Variants in WT1 observed in about 807,000 individuals in gnomAD.
WT1 encodes the protein Wilms tumor protein.
Under a neutral mutation model 60.8 loss-of-function variants are expected in WT1, and 8 were observed. That is an observed-to-expected ratio of 0.13 (90% CI 0.08 to 0.24). WT1 has a LOEUF of 0.24. Ranked by LOEUF, WT1 falls within the 10% of genes least tolerant of loss-of-function variation. The pLI is 1.00. For missense variants in WT1, 568 were observed against 711.8 expected, an observed-to-expected ratio of 0.80 and a Z score of 2.30; for synonymous variants, 312 against 297.1, an observed-to-expected ratio of 1.05 and a Z score of -0.52.
At chr11:32,428,890 C>T (rs892519828) in intron 1 of WT1, 2 of 523,450 alleles carry the variant, frequency 3.8e-6, no homozygotes, top group African/African-American at 1.9e-5. Flanking sequence ...CAGTCTTCTA[C>T]GGTCTCTGCC....
At chr11:32,428,123 G>A in intron 2 of WT1, 65 bp from the exon 3 acceptor site, 2 of 1,429,664 alleles carry the variant, frequency 1.4e-6, no homozygotes, top group Admixed American at 2.2e-5. Context: ...GAGGCTGCGG[G>A]CAGGGGTTGG....
intron 1 of WT1, among the ~76,000 whole-genome samples, chr11:32,431,562 G>T (rs1853312268): frequency 6.6e-6 from 1 of 151,098 alleles, no homozygotes; most frequent in Admixed American, 6.6e-5. Flanking sequence ...TCAGCCTCCC[G>T]AGTAGCTGGG....
intron 5 of WT1, among the ~76,000 whole-genome samples, chr11:32,406,900 A>T (rs563897913): frequency 6.6e-6 from 1 of 152,106 alleles, no homozygotes; most frequent in African/African-American, 2.4e-5. Context: ...GGAGTTCGAG[A>T]CCAGCCTGGC....
At chr11:32,409,646 A>G (rs1852432405) in intron 5 of WT1, among the ~76,000 whole-genome samples, 1 of 152,034 alleles carries the variant, frequency 6.6e-6, no homozygotes, top group Admixed American at 6.5e-5. Flanking sequence ...TTTGTTTTCT[A>G]TAGAGATGAG....
chr11:32,430,652 C>A, intron 1 of WT1: 1 of 1,493,684 alleles, frequency 6.7e-7, no homozygotes, highest in South Asian at 1.3e-5. Context: ...GGCACCCACT[C>A]TCGAGACGTC....
At chr11:32,395,948 C>T (rs1851957121) in intron 7 of WT1, among the ~76,000 whole-genome samples, 1 of 152,224 alleles carries the variant, frequency 6.6e-6, no homozygotes, top group African/African-American at 2.4e-5. Context: ...CAGCTCCTCT[C>T]TCCTTAGAAA....
intron 5 of WT1, among the ~76,000 whole-genome samples, chr11:32,412,540 A>G (rs964989108): frequency 5.3e-5 from 8 of 152,182 alleles, no homozygotes; most frequent in African/African-American, 1.9e-4. Context: ...GACAAAACAG[A>G]GGCCAACAGG....
At chr11:32,391,909 A>G in intron 9 of WT1, 63 bp downstream of exon 9, 2 of 1,541,206 alleles carry the variant, frequency 1.3e-6, no homozygotes, top group South Asian at 2.2e-5. Flanking sequence ...CTCTCATCAC[A>G]ATTTCATTCC....
intron 1 of WT1, among the ~76,000 whole-genome samples, chr11:32,431,983 G>T (rs1645982055): frequency 6.6e-6 from 1 of 152,150 alleles, no homozygotes; most frequent in African/African-American, 2.4e-5. Flanking sequence ...AAAACAAGGG[G>T]CCTCTCCAGG....
chr11:32,423,125 G>A (rs1028400283), intron 3 of WT1, among the ~76,000 whole-genome samples: 4 of 152,240 alleles, frequency 2.6e-5, no homozygotes, highest in South Asian at 2.1e-4. Context: ...AATTAGGGGG[G>A]AAATTGTGCC....
At chr11:32,407,260 C>T (rs1483794896) in intron 5 of WT1, among the ~76,000 whole-genome samples, 2 of 150,536 alleles carry the variant, frequency 1.3e-5, no homozygotes, top group Non-Finnish European at 3.0e-5. Context: ...AACAAAAAAA[C>T]AAAAAACAAA....
chr11:32,402,738 A>G (rs1420285692), intron 5 of WT1, among the ~76,000 whole-genome samples: 1 of 152,160 alleles, frequency 6.6e-6, no homozygotes, highest in East Asian at 1.9e-4. Context: ...TTGTAGAAAC[A>G]GGGTCTTGCT....
In WT1 at chr11:32,389,186, A is replaced by G. The variant is rs1392191365; in HGVS notation, c.1448-7T>C. ...CAGCTGAAGGGCTTTTCACCTGTTG[A>G]CACAATTGCCAGTCAGAGACACTTG... On this transcript the variant is annotated splice_region_variant and splice_polypyrimidine_tract_variant and intron_variant, in intron 9 of 9. Transcript: ENST00000452863. The G allele has an allele frequency of 1.2e-6, 2 of 1,613,890 alleles. No individual in the cohort carries two copies. The highest frequency in any genetic ancestry group is 2.7e-5 in the African/African-American group (2 of 74,888).
chr11:32,392,089 C>T, intron 8 of WT1, 25 bp from the exon 9 acceptor site: 1 of 1,610,588 alleles, frequency 6.2e-7, no homozygotes, highest in Non-Finnish European at 8.5e-7. Context: ...AAGGTCTAGC[C>T]TCGGCCCTAA....
intron 4 of WT1, chr11:32,417,295 G>A: frequency 2.3e-6 from 1 of 441,096 alleles, no homozygotes; most frequent in Non-Finnish European, 4.1e-6. Flanking sequence ...TATTAAATGA[G>A]GTTGAATAGC....
chr11:32,415,521 G>A (rs1208098447), intron 5 of WT1, among the ~76,000 whole-genome samples: 1 of 152,252 alleles, frequency 6.6e-6, no homozygotes, highest in Non-Finnish European at 1.5e-5. Context: ...GGTGGCACAT[G>A]CCTGTAATCC....
intron 3 of WT1, among the ~76,000 whole-genome samples, chr11:32,427,013 C>A (rs904989506): frequency 6.6e-6 from 1 of 152,164 alleles, no homozygotes; most frequent in Non-Finnish European, 1.5e-5. Context: ...CGGGTCCCCG[C>A]GCGGAGGGGA....
In WT1 at chr11:32,396,480, T is replaced by C. The variant is rs115936822; in HGVS notation, c.1114-73A>G. ...CATTCACGTAGGTCTTGAGGGAGAG[T>C]GAGCACTGGAGTATATCCAAAGAAG... On this transcript the variant is annotated intron_variant, in intron 6 of 9. Transcript: ENST00000452863. 1,965 of 1,593,708 alleles carry C rather than the reference T, an allele frequency of 1.2e-3. 4 individuals carry two copies. The highest frequency in any genetic ancestry group is 1.6e-3 in the Non-Finnish European group (1,873 of 1,173,548).
In WT1 at chr11:32,428,253, G is replaced by T. The variant is rs5030166; in HGVS notation, c.785-195C>A. On this transcript the variant is annotated intron_variant, in intron 2 of 9. Transcript: ENST00000452863. ...TTTGCATTCCCCTAGCAGTCGCTGC[G>T]CTGTGCACCAAAAAGGCCCTCCGGA... Among the ~76,000 whole-genome samples, 38,638 of 152,154 alleles carry T rather than the reference G, an allele frequency of 0.25. 5,919 individuals carry two copies. The highest frequency in any genetic ancestry group is 0.42 in the African/African-American group (17,606 of 41,468).
Sources: gnomAD v4.1 joint callset for allele counts (sites outside exome capture counted in the v4.1 genomes callset) on GRCh38, gnomAD v4.1.1 for gene constraint, MANE v1.5 for transcripts, NCBI Gene and HGNC (gene_info 2026-07-23, HGNC 2026-07-21) for gene names.